FNDC3B: variants seen among roughly 807,000 people sequenced by gnomAD.
FNDC3B encodes fibronectin type III domain-containing protein 3B.
FNDC3B carries 12 observed loss-of-function variants against 151.5 expected under a neutral mutation model. The observed-to-expected ratio is 0.08, with a 90% CI of 0.05 to 0.13. The LOEUF (loss-of-function observed/expected upper bound fraction) is 0.13, where lower values mean the gene tolerates loss of function less well. FNDC3B is among the 10% of genes least tolerant of loss of function. The probability of loss-of-function intolerance (pLI) is 1.00; values close to 1 mark genes in which losing one functional copy is unlikely to be tolerated. For synonymous variants in FNDC3B, 528 were observed against 549.0 expected (o/e 0.96, Z 0.54); for missense variants, 1,214 against 1,505.3 (o/e 0.81, Z 3.20).
chr3:172,362,776 A>G lies in FNDC3B; in HGVS notation c.2939A>G (p.Asp980Gly). The stretch of plus-strand genomic sequence containing the variant: ...CAGAGCCTGAAGCTAAAATGGGGAG[A>G]CAGTAACTCCAAGACACATGCTGCT... Reference protein sequence around the residue: ...GPQSLKLKWGDSNSKTHAAED... With the variant: ...GPQSLKLKWGGSNSKTHAAED... Residue 980 changes from aspartate (D) to glycine (G), a missense_variant, in exon 23 of 26, where the codon GAC becomes GGC. Physicochemically the swap from Asp to Gly is moderately conservative, Grantham distance 94 (BLOSUM62 -1). Transcript: ENST00000415807. The G allele has an allele frequency of 6.2e-7, 1 of 1,614,076 alleles. No individual in the cohort carries two copies. Among genetic ancestry groups the G allele is most frequent in the Non-Finnish European group, 8.5e-7 (1 of 1,180,002 alleles).
At chr3:172,356,231 G>A (rs528362733) in intron 22 of FNDC3B, among the ~76,000 whole-genome samples, 1 of 152,282 alleles carries the variant, frequency 6.6e-6, no homozygotes, top group African/African-American at 2.4e-5. Context: ...AGACGAGTCA[G>A]ACAGCCTTGA....
intron 4 of FNDC3B, among the ~76,000 whole-genome samples, chr3:172,239,955 G>A (rs142655141): frequency 0.032 from 4,140 of 130,956 alleles, 196 homozygotes; most frequent in African/African-American, 0.11. Context: ...TGCAAGCTCC[G>A]CCTCCTGGGT....
intron 3 of FNDC3B, among the ~76,000 whole-genome samples, chr3:172,176,972 G>A (rs928704230): frequency 2.0e-5 from 3 of 152,166 alleles, no homozygotes; most frequent in Non-Finnish European, 2.9e-5. Context: ...AACCTAAGGG[G>A]TAAGGGGGCT....
chr3:172,344,070 A>AC lies in FNDC3B; in HGVS notation c.2078-16_2078-15insC, dbSNP rs1447519549. ...GCACAAAGTGTTCTAAGATGAAAAA[A>AC]ATTCTTCATTCCCAGATGTTCCTGC... is the stretch of plus-strand genomic sequence containing the variant. On this transcript the variant is annotated splice_polypyrimidine_tract_variant and intron_variant, in intron 18 of 25. Coordinates refer to ENST00000415807, the MANE Select transcript of FNDC3B (RefSeq NM_022763.4). The AC allele has an allele frequency of 5.6e-6, 9 of 1,599,134 alleles. No individual in the cohort carries two copies. The highest frequency in any genetic ancestry group is 1.3e-5 in the African/African-American group (1 of 74,214).
intron 6 of FNDC3B, among the ~76,000 whole-genome samples, chr3:172,268,202 C>T (rs531281196): frequency 6.6e-5 from 10 of 152,096 alleles, no homozygotes; most frequent in South Asian, 2.1e-4. Flanking sequence ...TCATACTTGG[C>T]GGAAAATAAT....
chr3:172,096,554 C>T (rs181161775), intron 1 of FNDC3B, among the ~76,000 whole-genome samples: 1 of 152,092 alleles, frequency 6.6e-6, no homozygotes, highest in Non-Finnish European at 1.5e-5. Flanking sequence ...ACCATCTTCT[C>T]TGAAGTAAAA....
At chr3:172,115,230 G>A (rs1011917707) in intron 2 of FNDC3B, among the ~76,000 whole-genome samples, 4 of 152,148 alleles carry the variant, frequency 2.6e-5, no homozygotes, top group Admixed American at 6.5e-5. Context: ...ATTGGCCTAG[G>A]TGTGCGTGGT....
chr3:172,295,142 T>C (rs1332163549), intron 7 of FNDC3B, among the ~76,000 whole-genome samples: 3 of 152,226 alleles, frequency 2.0e-5, no homozygotes, highest in African/African-American at 7.2e-5. Flanking sequence ...GAATGCAAAT[T>C]GCACTGGATT....
At chr3:172,368,056 C>T (rs1734714149) in intron 23 of FNDC3B, among the ~76,000 whole-genome samples, 1 of 152,090 alleles carries the variant, frequency 6.6e-6, no homozygotes, top group Admixed American at 6.6e-5. Flanking sequence ...CACTAGGCAA[C>T]TAATAAAAAT....
At chr3:172,181,352 C>T (rs1345263760) in intron 3 of FNDC3B, among the ~76,000 whole-genome samples, 4 of 139,090 alleles carry the variant, frequency 2.9e-5, no homozygotes, top group African/African-American at 1.1e-4. Flanking sequence ...TATGATTACA[C>T]CACTGTACTC....
chr3:172,112,914 C>T (rs1720047835), intron 2 of FNDC3B, among the ~76,000 whole-genome samples: 3 of 152,254 alleles, frequency 2.0e-5, no homozygotes, highest in African/African-American at 7.2e-5. Flanking sequence ...GCTTGGTTGG[C>T]CAGAGCTGCA....
chr3:172,230,540 A>G (rs1726839836), intron 4 of FNDC3B, among the ~76,000 whole-genome samples: 1 of 152,050 alleles, frequency 6.6e-6, no homozygotes, highest in Non-Finnish European at 1.5e-5. Context: ...AAAAATTAAA[A>G]GAAAATTCAC....
chr3:172,142,658 C>A (rs1022975478), intron 3 of FNDC3B, among the ~76,000 whole-genome samples: 7 of 152,212 alleles, frequency 4.6e-5, no homozygotes, highest in African/African-American at 1.7e-4. Context: ...TTAAGTTCTT[C>A]AAGGGCAAGG....
chr3:172,289,253 G>C (rs1373520863), intron 7 of FNDC3B, among the ~76,000 whole-genome samples: 1 of 152,104 alleles, frequency 6.6e-6, no homozygotes, highest in Non-Finnish European at 1.5e-5. Flanking sequence ...TATTCCCCCA[G>C]CTTCTGCTTC....
At chr3:172,128,843 T>G (rs1720928827) in intron 2 of FNDC3B, among the ~76,000 whole-genome samples, 1 of 152,188 alleles carries the variant, frequency 6.6e-6, no homozygotes, top group Non-Finnish European at 1.5e-5. Flanking sequence ...TGGAAAAAAC[T>G]CTAGAAGTGA....
chr3:172,114,222 C>T (rs777321191), intron 2 of FNDC3B, among the ~76,000 whole-genome samples: 20 of 152,138 alleles, frequency 1.3e-4, no homozygotes, highest in Non-Finnish European at 2.8e-4. Flanking sequence ...CTCTTCTGCT[C>T]ACTGTGCTCA....
chr3:172,316,236 G>A (rs1731783927), intron 11 of FNDC3B, among the ~76,000 whole-genome samples: 1 of 151,938 alleles, frequency 6.6e-6, no homozygotes, highest in African/African-American at 2.4e-5. Context: ...CCTGACCTCA[G>A]GTGATCACCC....
intron 3 of FNDC3B, among the ~76,000 whole-genome samples, chr3:172,142,647 A>G (rs987473112): frequency 6.6e-6 from 1 of 152,208 alleles, no homozygotes; most frequent in Admixed American, 6.5e-5. Flanking sequence ...GGAAGACTGG[A>G]TTAAGTTCTT....
At chr3:172,126,640 A>G (rs139332619) in intron 2 of FNDC3B, among the ~76,000 whole-genome samples, 11 of 152,300 alleles carry the variant, frequency 7.2e-5, no homozygotes, top group Admixed American at 7.2e-4. Flanking sequence ...CCTGGATTGT[A>G]TGGTGGACAA....
Sources: gnomAD v4.1 joint callset for allele counts (sites outside exome capture counted in the v4.1 genomes callset) on GRCh38, gnomAD v4.1.1 for gene constraint, MANE v1.5 for transcripts, NCBI Gene and HGNC (gene_info 2026-07-23, HGNC 2026-07-21) for gene names.